Variants in PLCB1 observed in about 807,000 individuals in gnomAD.
The protein encoded by PLCB1 is 1-phosphatidylinositol 4,5-bisphosphate phosphodiesterase beta-1.
PLCB1 carries 46 observed loss-of-function variants against 161.8 expected under a neutral mutation model. The ratio of observed to expected loss-of-function variants is 0.28; its 90% CI spans 0.22 to 0.36. PLCB1 has a LOEUF of 0.36. Among genes scored for constraint, PLCB1 ranks in the 10% least tolerant of loss-of-function variants. The probability of loss-of-function intolerance (pLI) is 1.00; values close to 1 mark genes in which losing one functional copy is unlikely to be tolerated. For synonymous variants in PLCB1, 517 were observed against 503.7 expected, an observed-to-expected ratio of 1.03 and a Z score of -0.35; for missense variants, 1,016 against 1,472.5, an observed-to-expected ratio of 0.69 and a Z score of 5.07.
At chr20:8,529,451 T>G (rs555431751) in intron 3 of PLCB1, among the ~76,000 whole-genome samples, 1 of 152,166 alleles carries the variant, frequency 6.6e-6, no homozygotes, top group Admixed American at 6.6e-5. Flanking sequence ...TAGTCCGTCC[T>G]CTCTTTGGAT....
At chr20:8,153,901 T>C (rs1193172653) in intron 2 of PLCB1, among the ~76,000 whole-genome samples, 12 of 152,202 alleles carry the variant, frequency 7.9e-5, no homozygotes, top group African/African-American at 2.9e-4. Flanking sequence ...TTACAAATTT[T>C]ATTTGTTTTT....
chr20:8,345,233 C>T (rs547469745), intron 2 of PLCB1, among the ~76,000 whole-genome samples: 1 of 152,198 alleles, frequency 6.6e-6, no homozygotes, highest in East Asian at 1.9e-4. Flanking sequence ...TTGAAATGTG[C>T]TTCAGTTTGA....
intron 2 of PLCB1, among the ~76,000 whole-genome samples, chr20:8,156,509 A>C (rs1180988832): frequency 6.6e-6 from 1 of 152,208 alleles, no homozygotes; most frequent in Non-Finnish European, 1.5e-5. Context: ...GATGCCCCCA[A>C]ATGAAGGGTT....
chr20:8,771,859 T>G (rs555362890), intron 26 of PLCB1, among the ~76,000 whole-genome samples: 1 of 150,256 alleles, frequency 6.7e-6, no homozygotes, highest in South Asian at 2.1e-4. Context: ...ACATTGAATT[T>G]GTTTCCTTCC....
intron 3 of PLCB1, among the ~76,000 whole-genome samples, chr20:8,617,217 A>G (rs575717541): frequency 6.6e-6 from 1 of 152,302 alleles, no homozygotes; most frequent in East Asian, 1.9e-4. Flanking sequence ...AGTTCATGAG[A>G]GCCAATTGTT....
At chr20:8,235,350 C>G (rs1173420310) in intron 2 of PLCB1, among the ~76,000 whole-genome samples, 2 of 151,988 alleles carry the variant, frequency 1.3e-5, no homozygotes, top group Non-Finnish European at 2.9e-5. Context: ...AAAAATACCA[C>G]ATAATAGAAA....
At chr20:8,178,181 A>G (rs1447407335) in intron 2 of PLCB1, among the ~76,000 whole-genome samples, 2 of 152,248 alleles carry the variant, frequency 1.3e-5, no homozygotes, top group African/African-American at 4.8e-5. Context: ...TCTTTATGAT[A>G]GAATTATGTA....
chr20:8,557,003 TAAATAAATA>T (rs1985982574), intron 3 of PLCB1, among the ~76,000 whole-genome samples: 1 of 132,406 alleles, frequency 7.6e-6, no homozygotes, highest in African/African-American at 3.3e-5. Context: ...AATAAATAAA[TAAATAAATA>T]AAATAAATAA....
chr20:8,187,130 A>G (rs6055616), intron 2 of PLCB1, among the ~76,000 whole-genome samples: 91,700 of 151,870 alleles, frequency 0.6, 29,834 homozygotes, highest in African/African-American at 0.86. Flanking sequence ...CTATGAGGTG[A>G]ATTATCACCT....
intron 31 of PLCB1, among the ~76,000 whole-genome samples, chr20:8,811,610 T>A (rs968915231): frequency 6.6e-6 from 1 of 152,212 alleles, no homozygotes; most frequent in African/African-American, 2.4e-5. Context: ...TGTTAATGAG[T>A]ATACAGCATA....
intron 2 of PLCB1, among the ~76,000 whole-genome samples, chr20:8,237,170 CTTG>C (rs1248013260): frequency 6.6e-6 from 1 of 151,964 alleles, no homozygotes; most frequent in Non-Finnish European, 1.5e-5. Flanking sequence ...AAGGAAATTG[CTTG>C]TAGTACTGAT....
chr20:8,772,440 T>C (rs1982735856), intron 26 of PLCB1, among the ~76,000 whole-genome samples: 1 of 152,206 alleles, frequency 6.6e-6, no homozygotes, highest in Non-Finnish European at 1.5e-5. Context: ...TGCACCTCCA[T>C]GCTGTGTCCT....
At chr20:8,379,018 C>T (rs1280232149) in intron 3 of PLCB1, among the ~76,000 whole-genome samples, 1 of 152,054 alleles carries the variant, frequency 6.6e-6, no homozygotes, top group African/African-American at 2.4e-5. Flanking sequence ...ATGTGCAGAA[C>T]ATGCAGGTTT....
At chr20:8,366,284 C>G (rs1986709184) in intron 2 of PLCB1, among the ~76,000 whole-genome samples, 1 of 151,960 alleles carries the variant, frequency 6.6e-6, no homozygotes, top group Admixed American at 6.6e-5. Flanking sequence ...ATGTGGAAAA[C>G]TTGGGTTTGA....
chr20:8,273,978 A>G (rs1405521346), intron 2 of PLCB1, among the ~76,000 whole-genome samples: 4 of 152,234 alleles, frequency 2.6e-5, no homozygotes, highest in African/African-American at 4.8e-5. Context: ...TGTTAATACT[A>G]TTGAAAGTAA....
chr20:8,484,793 G>C (rs1641942396), intron 3 of PLCB1, among the ~76,000 whole-genome samples: 1 of 152,112 alleles, frequency 6.6e-6, no homozygotes, highest in Non-Finnish European at 1.5e-5. Context: ...TCAAAATCAA[G>C]TTGTTTCTTG....
chr20:8,737,971 A>T (rs1360252090), intron 20 of PLCB1, among the ~76,000 whole-genome samples: 2 of 152,238 alleles, frequency 1.3e-5, no homozygotes, highest in East Asian at 3.8e-4. Context: ...TATCTAGCAC[A>T]ATGAAAATAT....
At chr20:8,822,542 T>C (rs1568613212) in intron 31 of PLCB1, among the ~76,000 whole-genome samples, 1 of 152,090 alleles carries the variant, frequency 6.6e-6, no homozygotes, top group Non-Finnish European at 1.5e-5. Context: ...CTAAAGCCAG[T>C]GTGGAGATTA....
At chr20:8,273,108 A>G (rs1982365568) in intron 2 of PLCB1, among the ~76,000 whole-genome samples, 1 of 152,190 alleles carries the variant, frequency 6.6e-6, no homozygotes, top group Non-Finnish European at 1.5e-5. Context: ...AATGAACAAC[A>G]AAGATTGTTG....
Sources: gnomAD v4.1 joint callset for allele counts (sites outside exome capture counted in the v4.1 genomes callset) on GRCh38, gnomAD v4.1.1 for gene constraint, MANE v1.5 for transcripts, NCBI Gene and HGNC (gene_info 2026-07-23, HGNC 2026-07-21) for gene names.